FKBP11: variants seen among roughly 807,000 people sequenced by gnomAD.
FKBP11 encodes FKBP prolyl isomerase 11.
A neutral mutation model predicts 24.7 loss-of-function variants in FKBP11; 21 were observed. The observed-to-expected ratio is 0.85, with a 90% CI of 0.60 to 1.23. The LOEUF is 1.23. Among genes scored for constraint, FKBP11 ranks in the 50% most tolerant of loss-of-function variants. FKBP11 has a pLI of 0.00. For synonymous variants in FKBP11, 106 were observed against 100.6 expected, an observed-to-expected ratio of 1.05 and a Z score of -0.32; for missense variants, 245 against 248.7, an observed-to-expected ratio of 0.99 and a Z score of 0.10.
At chr12:48,922,449 A>G in intron 5 of FKBP11, 5 of 885,374 alleles carry the variant, frequency 5.6e-6, no homozygotes, top group Non-Finnish European at 7.5e-6. Flanking sequence ...GAATGCAGGA[A>G]AACTTTCTGT....
At chr12:48,928,262 C>T (rs529282786), upstream of FKBP11, among the ~76,000 whole-genome samples, 2 of 151,444 alleles carry the variant, frequency 1.3e-5, no homozygotes, top group Non-Finnish European at 2.9e-5. Context: ...CCAGACTGGT[C>T]TCGAACTCCT....
At chr12:48,928,228 A>G (rs1166094714), upstream of FKBP11, among the ~76,000 whole-genome samples, 1 of 151,130 alleles carries the variant, frequency 6.6e-6, no homozygotes, top group Non-Finnish European at 1.5e-5. Flanking sequence ...AATTTTTTGT[A>G]GAGATGGGGT....
intron 5 of FKBP11, chr12:48,922,665 G>T (rs1055054435): frequency 5.0e-5 from 50 of 992,866 alleles, no homozygotes; most frequent in African/African-American, 1.2e-4. Flanking sequence ...CAACATAAGA[G>T]CTGAAGAGGA....
At position 48,925,128 on chromosome 12, in the gene FKBP11, G is replaced by A. The variant is rs368746390; in HGVS notation, c.130-17C>T. On this transcript the variant is annotated splice_polypyrimidine_tract_variant and intron_variant, in intron 1 of 5. Coordinates refer to ENST00000550765, the MANE Select transcript of FKBP11 (RefSeq NM_016594.3). ...GGGCTCCACCTACGATCGGACTACA[G>A]GGGTCACGGATGCTCTTCCAAAGAT... is the stretch of plus-strand genomic sequence containing the variant. 4.3e-6 allele frequency: 7 copies of A among 1,612,568 alleles called. No homozygotes were observed. The African/African-American group carries it at 9.4e-5, about 22-fold the overall frequency.
At position 48,922,050 on chromosome 12, in the gene FKBP11, G is replaced by C; in HGVS notation, c.540C>G (p.Ala180=). The change falls in exon 6 of 6, where the codon GCC becomes GCG. Residue 180 remains alanine, a synonymous_variant. Coordinates refer to ENST00000550765, the MANE Select transcript of FKBP11 (RefSeq NM_016594.3). ...GLIGYHLYRK[A]NRPKVSKKKL... is the part of the protein sequence containing the mutation. ...TCTTTTTGGAGACTTTGGGTCTATT[G>C]GCCTTTCTGTATAGGTGATACCCAA... The C allele has an allele frequency of 6.2e-7, 1 of 1,613,706 alleles. No homozygotes were observed. Among genetic ancestry groups the C allele is most frequent in the Non-Finnish European group, 8.5e-7 (1 of 1,179,870 alleles).
Position 48,925,247 on chromosome 12 carries a change from C to T in FKBP11, c.129+53G>A, listed in dbSNP as rs1361653451. On this transcript the variant is annotated intron_variant, in intron 1 of 5. Transcript: ENST00000550765. ...CAGGTTCGCTGAGACCCCAGTATTA[C>T]CACCCAACAAGGCTCGGCCCACGGG... The T allele has an allele frequency of 8.1e-6, 13 of 1,599,312 alleles. No homozygotes were observed. In the South Asian group the frequency reaches 1.3e-4, roughly 17 times the overall value.
chr12:48,925,567 C>T (rs918990685), upstream of FKBP11: 47 of 1,093,966 alleles, frequency 4.3e-5, 1 homozygote, highest in African/African-American at 7.1e-4. Flanking sequence ...CCTCCTGCAG[C>T]CCTTCCTCCA....
chr12:48,928,043 C>CTTTTT (rs34076093), upstream of FKBP11, among the ~76,000 whole-genome samples: 111 of 88,434 alleles, frequency 1.3e-3, 1 homozygote, highest in African/African-American at 3.2e-3. Flanking sequence ...TGCCAGATAC[C>CTTTTT]TTTTTTTTTT....
chr12:48,922,232 ACT>A (rs1266098916), intron 5 of FKBP11, 31 bp from the exon 6 acceptor site: 9 of 1,573,986 alleles, frequency 5.7e-6, no homozygotes, highest in East Asian at 2.3e-5. Flanking sequence ...AGAGGGTTAG[ACT>A]CTCTGCATTT....
chr12:48,932,988 G>A, the FKBP11 span, among the ~76,000 whole-genome samples: 152 of 152,294 alleles, frequency 1.0e-3, 1 homozygote, highest in African/African-American at 3.5e-3. Flanking sequence ...CAGCTCAGAA[G>A]CCGGAAGTGC....
rs753598888 is a variant in FKBP11 at position 48,922,201 on chromosome 12, G to A, written c.389C>T (p.Ala130Val). 47 of 1,609,584 alleles carry A rather than the reference G, an allele frequency of 2.9e-5. No homozygotes were observed. The highest frequency in any genetic ancestry group is 3.5e-4 in the Middle Eastern group (2 of 5,694). ...CACGTCATACTGCACCACTGCATCC[G>A]CTGGAGAGGCAGAGGGGTGGAGAGG... ...GKRGFPPSVP[A>V]DAVVQYDVEL... Residue 130 changes from alanine to valine, a missense_variant and splice_region_variant, in exon 6 of 6, where the codon GCG becomes GTG. Ala to Val is a moderately conservative substitution (Grantham distance 64, BLOSUM62 0). Coordinates refer to ENST00000550765, the MANE Select transcript of FKBP11 (RefSeq NM_016594.3).
chr12:48,924,409 C>A, intron 3 of FKBP11, 152 bp downstream of exon 3: 1 of 1,167,826 alleles, frequency 8.6e-7, no homozygotes, highest in Admixed American at 2.0e-5. Context: ...AAGTGGAGTA[C>A]TAGAAGTGAG....
At chr12:48,929,372 CAGG>C (rs982836535), upstream of FKBP11, among the ~76,000 whole-genome samples, 1 of 152,028 alleles carries the variant, frequency 6.6e-6, no homozygotes, top group Non-Finnish European at 1.5e-5. Flanking sequence ...CACTTGCGTC[CAGG>C]AGGTCAAGGC....
upstream of FKBP11, among the ~76,000 whole-genome samples, chr12:48,929,117 G>A (rs1283812237): frequency 4.7e-5 from 7 of 150,318 alleles, no homozygotes; most frequent in South Asian, 2.2e-4. Context: ...GTGAGCCACC[G>A]CGCCCGGCCT....
chr12:48,925,341 C>G lies in FKBP11; in HGVS notation c.88G>C (p.Glu30Gln), dbSNP rs777093017. The G allele has an allele frequency of 1.9e-6, 3 of 1,609,708 alleles. No individual in the cohort carries two copies. The Admixed American group carries it at 5.1e-5, about 27-fold the overall frequency. Residue 30 changes from glutamate (E) to glutamine (Q), a missense_variant, in exon 1 of 6, where the codon GAA (glutamate) becomes CAA (glutamine). Physicochemically the swap from Glu to Gln is conservative, Grantham distance 29 (BLOSUM62 2). Transcript: ENST00000550765. ...AGGGTCCGGACGGGACTTTCGGTTT[C>G]GAGCCCAGCCTCAGCCCGGCACACC... is the stretch of plus-strand genomic sequence containing the variant. ...AAVCRAEAGL[E>Q]TESPVRTLQV...
At chr12:48,930,392 A>G (rs1029526216), upstream of FKBP11, among the ~76,000 whole-genome samples, 4 of 152,248 alleles carry the variant, frequency 2.6e-5, no homozygotes, top group Admixed American at 6.5e-5. Context: ...GAGAAGAGTA[A>G]GGGCAATGTC....
At chr12:48,922,253 G>A (rs1367734219) in intron 5 of FKBP11, 52 bp from the exon 6 acceptor site, 9 of 1,517,952 alleles carry the variant, frequency 5.9e-6, no homozygotes, top group Non-Finnish European at 8.1e-6. Context: ...TTTATCCAGG[G>A]CTCAGAATCT....
At chr12:48,937,597 G>A in the FKBP11 span, 1 of 152,454 alleles carries the variant, frequency 6.6e-6, no homozygotes, top group East Asian at 1.9e-4. Flanking sequence ...AGAAGTGAGT[G>A]AGGATGGCAG....
At chr12:48,938,553 G>A in the FKBP11 span, 1 of 457,822 alleles carries the variant, frequency 2.2e-6, no homozygotes, top group Non-Finnish European at 4.4e-6. Flanking sequence ...CAAAGGAAAG[G>A]CAAACAGGGA....
Sources: allele counts gnomAD v4.1 joint callset (sites outside exome capture counted in the v4.1 genomes callset), GRCh38; gene constraint gnomAD v4.1.1; transcripts MANE v1.5; gene names NCBI Gene and HGNC (gene_info 2026-07-23, HGNC 2026-07-21).